Variants in ABHD18 observed in about 807,000 individuals in gnomAD.
ABHD18 encodes abhydrolase domain containing 18, also known as cardiolipin-specific deacylase, mitochondrial.
A neutral mutation model predicts 65.9 loss-of-function variants in ABHD18; 55 were observed. That is an observed-to-expected ratio of 0.84 (90% CI 0.67 to 1.05). The LOEUF is 1.05. ABHD18 is among the 50% of genes least tolerant of loss of function. ABHD18 has a pLI of 0.00. For synonymous variants in ABHD18, 181 were observed against 180.2 expected (o/e 1.00, Z -0.04); for missense variants, 533 against 558.5 (o/e 0.95, Z 0.46).
intron 8 of ABHD18, among the ~76,000 whole-genome samples, chr4:128,019,172 C>A (rs1172646736): frequency 6.6e-6 from 1 of 152,056 alleles, no homozygotes; most frequent in African/African-American, 2.4e-5. Flanking sequence ...GGTCTCCTAC[C>A]TCAGTTCTCC....
chr4:128,011,039 C>T (rs577075898), intron 6 of ABHD18, among the ~76,000 whole-genome samples: 3 of 150,950 alleles, frequency 2.0e-5, no homozygotes, highest in East Asian at 1.9e-4. Flanking sequence ...ATTTTATGAA[C>T]GAAATAAAAA....
At chr4:128,032,989 C>T (rs1004562124) in intron 12 of ABHD18, among the ~76,000 whole-genome samples, 3 of 152,054 alleles carry the variant, frequency 2.0e-5, no homozygotes, top group African/African-American at 4.8e-5. Flanking sequence ...CGTGGTGGCT[C>T]ACGCCTGTAA....
chr4:128,026,934 C>T (rs892739661), intron 10 of ABHD18, among the ~76,000 whole-genome samples: 1 of 151,770 alleles, frequency 6.6e-6, no homozygotes, highest in Non-Finnish European at 1.5e-5. Flanking sequence ...TACAGGTGCC[C>T]ACCACACCTG....
rs942991116 is a variant in ABHD18, at chr4:128,037,346, T to G, written c.*1533T>G. The G allele has an allele frequency of 2.0e-5, 3 of 151,934 alleles. No homozygotes were observed. The highest frequency in any genetic ancestry group is 7.3e-5 in the African/African-American group (3 of 41,332). The allele number at this position is 151,934 out of a possible 1,614,324, so 9.4% of individuals were successfully genotyped here. ...TTTCTCCCTACTAAAAAGTTTCAAT[T>G]CACAAAAATGGAAACATTGGAAGAC... On this transcript the variant is annotated 3_prime_UTR_variant, in exon 13 of 13. Transcript: ENST00000645843.
At chr4:127,994,125 C>T (rs150123122) in intron 4 of ABHD18, among the ~76,000 whole-genome samples, 20 of 152,152 alleles carry the variant, frequency 1.3e-4, no homozygotes, top group East Asian at 9.6e-4. Context: ...CATTCTTTTC[C>T]GTTAAAGAAC....
At chr4:128,013,972 TCCA>T (rs1755027022) in intron 7 of ABHD18, among the ~76,000 whole-genome samples, 1 of 149,772 alleles carries the variant, frequency 6.7e-6, no homozygotes, top group Admixed American at 6.7e-5. Flanking sequence ...TTGAAGAATT[TCCA>T]CCTTTTTTTT....
intron 3 of ABHD18, among the ~76,000 whole-genome samples, chr4:127,986,144 G>A (rs978078289): frequency 1.3e-5 from 2 of 152,144 alleles, no homozygotes; most frequent in Non-Finnish European, 2.9e-5. Flanking sequence ...GTCCTAAAAA[G>A]AAACCCTGTA....
intron 7 of ABHD18, among the ~76,000 whole-genome samples, chr4:128,013,697 C>CAA (rs779571090): frequency 1.1e-4 from 12 of 112,150 alleles, no homozygotes; most frequent in South Asian, 2.8e-4. Context: ...GACTCCGTCT[C>CAA]AAAAAAAAAA....
At chr4:128,028,927 TATAAG>T in intron 11 of ABHD18, 74 bp downstream of exon 11, 23 of 1,175,336 alleles carry the variant, frequency 2.0e-5, no homozygotes, top group Non-Finnish European at 2.7e-5. Flanking sequence ...AAAGATGCTC[TATAAG>T]ATAATTTTAT....
chr4:128,030,199 G>A (rs1257268426), intron 11 of ABHD18, among the ~76,000 whole-genome samples: 4 of 152,106 alleles, frequency 2.6e-5, no homozygotes, highest in Admixed American at 6.6e-5. Context: ...CATACCTTAC[G>A]TACTCTGATG....
At chr4:127,979,432 G>A (rs980028500) in intron 1 of ABHD18, among the ~76,000 whole-genome samples, 3 of 152,146 alleles carry the variant, frequency 2.0e-5, no homozygotes, top group African/African-American at 7.2e-5. Context: ...GCGGGCACCT[G>A]TAGTCCCAGC....
At chr4:128,033,959 C>CTTTTTT (rs996416880) in intron 12 of ABHD18, among the ~76,000 whole-genome samples, 31 of 123,418 alleles carry the variant, frequency 2.5e-4, no homozygotes, top group African/African-American at 3.3e-4. Flanking sequence ...TTTCTTTTTT[C>CTTTTTT]TTTTTTTTTT....
intron 4 of ABHD18, among the ~76,000 whole-genome samples, chr4:127,994,476 ACT>A (rs1560858741): frequency 6.6e-6 from 1 of 151,968 alleles, no homozygotes; most frequent in African/African-American, 2.4e-5. Context: ...AATCCAAACT[ACT>A]CAGGAGGCTG....
intron 10 of ABHD18, among the ~76,000 whole-genome samples, chr4:128,027,553 A>G (rs1757564103): frequency 6.6e-6 from 1 of 152,046 alleles, no homozygotes; most frequent in Non-Finnish European, 1.5e-5. Context: ...TAACAGGCAC[A>G]CACCATCATG....
intron 7 of ABHD18, among the ~76,000 whole-genome samples, chr4:128,015,700 T>G (rs1755360832): frequency 6.6e-6 from 1 of 152,148 alleles, no homozygotes; most frequent in African/African-American, 2.4e-5. Flanking sequence ...ATTTTGTTTT[T>G]CACACTTGGC....
Position 128,028,775 on chromosome 4 carries a change from A to G in ABHD18, c.1102A>G (p.Arg368Gly). 6.2e-7 allele frequency: 1 copy of G among 1,612,022 alleles called. No individual in the cohort carries two copies. The highest frequency in any genetic ancestry group is 8.5e-7 in the Non-Finnish European group (1 of 1,179,444). Residue 368 changes from arginine to glycine, a missense_variant, in exon 11 of 13, where the codon AGA becomes GGA. Arg to Gly is a moderately radical substitution (Grantham distance 125). This residue lies in a region of ABHD18 where 220 missense variants were observed against 226.8 expected (regional missense o/e 0.97). Coordinates refer to ENST00000645843, the MANE Select transcript of ABHD18 (RefSeq NM_001358451.3). ...CCACCTACTTAGTAAAGAACAAAGC[A>G]GAAACAGTCTTCGGAAAGAGTCTTT... Reference protein sequence around the residue: ...SYHLLSKEQSRNSLRKESLIF... With the variant: ...SYHLLSKEQSGNSLRKESLIF...
At chr4:127,986,992 T>A (rs1750075892) in intron 3 of ABHD18, among the ~76,000 whole-genome samples, 1 of 152,210 alleles carries the variant, frequency 6.6e-6, no homozygotes, top group Admixed American at 6.5e-5. Flanking sequence ...AGTTGCCAGC[T>A]ATCAGAACAC....
At chr4:127,986,629 C>T (rs950614640) in intron 3 of ABHD18, among the ~76,000 whole-genome samples, 7 of 152,266 alleles carry the variant, frequency 4.6e-5, no homozygotes, top group East Asian at 3.9e-4. Context: ...AACTTTTTGA[C>T]GAACTGTCAA....
intron 9 of ABHD18, 86 bp from the exon 10 acceptor site, chr4:128,021,048 AAAG>A: frequency 1.3e-6 from 1 of 768,910 alleles, no homozygotes; most frequent in Non-Finnish European, 2.0e-6. Flanking sequence ...AAAAAAAAAA[AAAG>A]GTAGTCTCAC....
Sources: allele counts gnomAD v4.1 joint callset (sites outside exome capture counted in the v4.1 genomes callset), GRCh38; gene constraint gnomAD v4.1.1; regional missense constraint gnomAD v4.1.1; transcripts MANE v1.5; gene names NCBI Gene and HGNC (gene_info 2026-07-23, HGNC 2026-07-21).